Variants in SMYD3 observed in about 807,000 individuals in gnomAD.
SMYD3 encodes the protein SET and MYND domain containing 3, also known as histone-lysine N-methyltransferase SMYD3.
SMYD3 carries 36 observed loss-of-function variants against 57.7 expected under a neutral mutation model. The ratio of observed to expected loss-of-function variants is 0.62; its 90% CI spans 0.48 to 0.82. SMYD3 has a LOEUF of 0.82. SMYD3 is among the 40% of genes least tolerant of loss of function. SMYD3 has a pLI of 0.00. For synonymous variants in SMYD3, 211 were observed against 195.0 expected (o/e 1.08, Z -0.68); for missense variants, 515 against 538.8 (o/e 0.96, Z 0.44).
chr1:245,843,538 ATATGTGTG>A (rs1443400160), intron 10 of SMYD3, among the ~76,000 whole-genome samples: 22 of 74,804 alleles, frequency 2.9e-4, no homozygotes, highest in East Asian at 1.4e-3. Flanking sequence ...GTGTATATAT[ATATGTGTG>A]TGTGTGTGTG....
chr1:245,821,336 T>C (rs1473700746), intron 10 of SMYD3, among the ~76,000 whole-genome samples: 1 of 150,450 alleles, frequency 6.6e-6, no homozygotes, highest in Non-Finnish European at 1.5e-5. Flanking sequence ...GAAAACTGGC[T>C]AGCCATATGT....
At chr1:246,295,217 T>C (rs2064770126) in intron 5 of SMYD3, among the ~76,000 whole-genome samples, 1 of 152,048 alleles carries the variant, frequency 6.6e-6, no homozygotes, top group Non-Finnish European at 1.5e-5. Flanking sequence ...GGTGGTAACG[T>C]TCTTTAGTGT....
intron 1 of SMYD3, among the ~76,000 whole-genome samples, chr1:246,441,677 T>G (rs1002647536): frequency 6.6e-6 from 1 of 152,196 alleles, no homozygotes; most frequent in African/African-American, 2.4e-5. Context: ...AGTGGCGCCA[T>G]CTCAGCTCAC....
intron 6 of SMYD3, among the ~76,000 whole-genome samples, chr1:245,928,851 C>G (rs2056551772): frequency 6.6e-6 from 1 of 152,178 alleles, no homozygotes; most frequent in Non-Finnish European, 1.5e-5. Flanking sequence ...TATTTTGCCA[C>G]CTACATCCTG....
intron 2 of SMYD3, among the ~76,000 whole-genome samples, chr1:246,342,258 CATATTCA>C (rs1485989818): frequency 1.3e-5 from 2 of 152,100 alleles, no homozygotes; most frequent in African/African-American, 4.8e-5. Flanking sequence ...TTTTTTCCTA[CATATTCA>C]GGACTTACTC....
chr1:246,427,095 G>A (rs1300440128), intron 1 of SMYD3, among the ~76,000 whole-genome samples: 3 of 152,020 alleles, frequency 2.0e-5, no homozygotes, highest in Non-Finnish European at 2.9e-5. Flanking sequence ...CAGCCATCCA[G>A]GTATGTAAAC....
At chr1:245,779,199 T>G (rs1339519173) in intron 10 of SMYD3, among the ~76,000 whole-genome samples, 1 of 144,862 alleles carries the variant, frequency 6.9e-6, no homozygotes, top group Non-Finnish European at 1.5e-5. Flanking sequence ...AAAAAGAAAA[T>G]GGAAAGACAG....
chr1:246,124,128 T>C (rs1309520033), intron 5 of SMYD3, among the ~76,000 whole-genome samples: 1 of 152,250 alleles, frequency 6.6e-6, no homozygotes, highest in Non-Finnish European at 1.5e-5. Context: ...TGATGAATTA[T>C]CCTATCACTA....
At chr1:246,132,515 A>T (rs1042375981) in intron 5 of SMYD3, among the ~76,000 whole-genome samples, 1 of 152,102 alleles carries the variant, frequency 6.6e-6, no homozygotes, top group African/African-American at 2.4e-5. Context: ...TAAACAAAAG[A>T]CCTAAAACTA....
intron 5 of SMYD3, among the ~76,000 whole-genome samples, chr1:246,165,180 C>A (rs111623001): frequency 2.0e-5 from 3 of 152,180 alleles, no homozygotes; most frequent in African/African-American, 7.2e-5. Flanking sequence ...ATCGCAACTA[C>A]AGCAGTTTCA....
intron 10 of SMYD3, among the ~76,000 whole-genome samples, chr1:245,821,133 C>T (rs1256791703): frequency 6.7e-6 from 1 of 150,102 alleles, no homozygotes; most frequent in Non-Finnish European, 1.5e-5. Flanking sequence ...ATCATGCTAC[C>T]TGACTTCAAA....
At chr1:246,176,942 C>A (rs1446518099) in intron 5 of SMYD3, among the ~76,000 whole-genome samples, 1 of 152,138 alleles carries the variant, frequency 6.6e-6, no homozygotes, top group African/African-American at 2.4e-5. Flanking sequence ...ATGTCTGAAT[C>A]CCCAAACTAT....
intron 1 of SMYD3, among the ~76,000 whole-genome samples, chr1:246,357,770 T>G (rs534273738): frequency 6.6e-6 from 1 of 152,152 alleles, no homozygotes; most frequent in Non-Finnish European, 1.5e-5. Flanking sequence ...CTGAGAGAAT[T>G]CGCCACTACC....
At chr1:246,325,894 C>T (rs10802393) in intron 5 of SMYD3, 131,822 of 153,566 alleles carry the variant, frequency 0.86, 56,894 homozygotes, top group African/African-American at 0.92. Context: ...TTGGGCACGG[C>T]ACACGATACT....
intron 5 of SMYD3, among the ~76,000 whole-genome samples, chr1:246,132,394 T>C (rs1263786822): frequency 6.6e-6 from 1 of 152,112 alleles, no homozygotes; most frequent in African/African-American, 2.4e-5. Context: ...GACCATTCAA[T>C]GGAGGAAAGG....
intron 5 of SMYD3, among the ~76,000 whole-genome samples, chr1:246,182,346 C>T (rs1297723811): frequency 6.6e-6 from 1 of 152,180 alleles, no homozygotes; most frequent in African/African-American, 2.4e-5. Flanking sequence ...TCTCTATCAC[C>T]TCTTCCTCCC....
At chr1:246,476,504 T>G (rs1007278981) in intron 1 of SMYD3, among the ~76,000 whole-genome samples, 1 of 152,212 alleles carries the variant, frequency 6.6e-6, no homozygotes, top group Non-Finnish European at 1.5e-5. Flanking sequence ...GTCCACAGAC[T>G]GTATTTTAAG....
intron 5 of SMYD3, among the ~76,000 whole-genome samples, chr1:246,258,545 C>T (rs1357390431): frequency 6.6e-6 from 1 of 152,154 alleles, no homozygotes; most frequent in Non-Finnish European, 1.5e-5. Context: ...AAAATAGCCC[C>T]CCCAACTCAC....
intron 5 of SMYD3, among the ~76,000 whole-genome samples, chr1:246,047,825 T>A (rs2059995344): frequency 6.9e-6 from 1 of 145,328 alleles, no homozygotes; most frequent in Non-Finnish European, 1.5e-5. Flanking sequence ...GGCAACAGAG[T>A]GAGACCCTGT....
Sources: gnomAD v4.1 joint callset for allele counts (sites outside exome capture counted in the v4.1 genomes callset) on GRCh38, gnomAD v4.1.1 for gene constraint, MANE v1.5 for transcripts, NCBI Gene and HGNC (gene_info 2026-07-23, HGNC 2026-07-21) for gene names.